CSMD1: variants seen among roughly 807,000 people sequenced by gnomAD.
CSMD1 encodes the protein CUB and sushi domain-containing protein 1.
CSMD1 carries 213 observed loss-of-function variants against 417.5 expected under a neutral mutation model. That is an observed-to-expected ratio of 0.51 (90% CI 0.46 to 0.57). The LOEUF is 0.57. Ranked by LOEUF, CSMD1 falls within the 20% of genes least tolerant of loss-of-function variation. The pLI, the probability that CSMD1 is intolerant of heterozygous loss-of-function variation, is 0.00. For missense variants in CSMD1, 6,923 were observed against 4,529.7 expected (o/e 1.53, Z -15.17); for synonymous variants, 2,862 against 1,736.8 (o/e 1.65, Z -16.11).
intron 3 of CSMD1, among the ~76,000 whole-genome samples, chr8:4,136,961 G>T: frequency 6.6e-6 from 1 of 152,266 alleles, no homozygotes; most frequent in Middle Eastern, 3.4e-3. Context: ...CCAATATTCA[G>T]CCTATATCAA....
chr8:3,659,435 T>C (rs1798298836), intron 7 of CSMD1, among the ~76,000 whole-genome samples: 1 of 152,222 alleles, frequency 6.6e-6, no homozygotes, highest in East Asian at 1.9e-4. Flanking sequence ...TATAATTATC[T>C]GAGACACTAC....
At chr8:3,528,418 G>C (rs747307328) in intron 10 of CSMD1, among the ~76,000 whole-genome samples, 2 of 152,118 alleles carry the variant, frequency 1.3e-5, no homozygotes, top group African/African-American at 4.8e-5. Context: ...AAGGAGGATG[G>C]CTCTGTATGC....
intron 3 of CSMD1, among the ~76,000 whole-genome samples, chr8:4,360,657 A>T (rs907592623): frequency 2.0e-5 from 3 of 149,830 alleles, no homozygotes; most frequent in Non-Finnish European, 4.5e-5. Context: ...CACCTGGCTA[A>T]TTTTTTTTTT....
chr8:4,963,898 C>T (rs187506408), intron 1 of CSMD1, among the ~76,000 whole-genome samples: 406 of 152,188 alleles, frequency 2.7e-3, no homozygotes, highest in Non-Finnish European at 4.2e-3. Flanking sequence ...CAATTCCTAT[C>T]AAATATTTTA....
chr8:4,966,967 A>C (rs753126409), intron 1 of CSMD1, among the ~76,000 whole-genome samples: 9 of 152,202 alleles, frequency 5.9e-5, no homozygotes, highest in Non-Finnish European at 1.3e-4. Flanking sequence ...GCTTTTTACA[A>C]ATTGCCATTT....
chr8:4,441,106 T>TTTTTTTTTTTTTTTTTTTTTTTTTTTA (rs1563176312), intron 2 of CSMD1, among the ~76,000 whole-genome samples: 1 of 123,576 alleles, frequency 8.1e-6, no homozygotes, highest in East Asian at 2.6e-4. Context: ...TTTTTTTTTT[T>TTTTTTTTTTTTTTTTTTTTTTTTTTTA]TTTTTTTTTT....
intron 3 of CSMD1, among the ~76,000 whole-genome samples, chr8:4,076,500 A>C (rs1389495031): frequency 6.6e-6 from 1 of 152,224 alleles, no homozygotes; most frequent in African/African-American, 2.4e-5. Context: ...ATTACTAGAA[A>C]TGTAAGTATA....
At chr8:4,442,600 G>C (rs971999358) in intron 2 of CSMD1, among the ~76,000 whole-genome samples, 10 of 152,094 alleles carry the variant, frequency 6.6e-5, no homozygotes, top group African/African-American at 2.4e-4. Flanking sequence ...CCCCAAATTG[G>C]CTAGAAAAAC....
intron 3 of CSMD1, among the ~76,000 whole-genome samples, chr8:4,178,525 C>CA (rs1798182186): frequency 2.0e-5 from 3 of 151,006 alleles, no homozygotes; most frequent in Non-Finnish European, 3.0e-5. Context: ...TGGCACAAGA[C>CA]AGGGATGCCC....
At chr8:3,210,394 T>G (rs1299994664) in intron 30 of CSMD1, among the ~76,000 whole-genome samples, 2 of 36,566 alleles carry the variant, frequency 5.5e-5, no homozygotes, top group Non-Finnish European at 1.2e-4. Context: ...CAGTCTCTAA[T>G]TAAAAATTTG....
intron 10 of CSMD1, among the ~76,000 whole-genome samples, chr8:3,543,473 C>T (rs1327243487): frequency 6.6e-6 from 1 of 152,008 alleles, no homozygotes; most frequent in African/African-American, 2.4e-5. Context: ...TCTAGGCAAG[C>T]AGTGATGATT....
intron 1 of CSMD1, among the ~76,000 whole-genome samples, chr8:4,968,256 G>C (rs932036671): frequency 1.8e-5 from 2 of 108,686 alleles, no homozygotes; most frequent in Non-Finnish European, 4.2e-5. Context: ...ATATTATGGA[G>C]AGCTAACTAC....
chr8:4,371,081 CTT>C (rs1459536634), intron 3 of CSMD1, among the ~76,000 whole-genome samples: 1 of 152,130 alleles, frequency 6.6e-6, no homozygotes, highest in Non-Finnish European at 1.5e-5. Context: ...AGTTACTGTT[CTT>C]TAGATGGGGC....
At chr8:3,312,793 G>C (rs1242240271) in intron 23 of CSMD1, among the ~76,000 whole-genome samples, 1 of 125,396 alleles carries the variant, frequency 8.0e-6, no homozygotes, top group African/African-American at 3.2e-5. Flanking sequence ...GCATCTCTCA[G>C]GTTCTCAAAG....
intron 2 of CSMD1, among the ~76,000 whole-genome samples, chr8:4,570,756 G>A (rs1318000231): frequency 2.0e-5 from 3 of 152,258 alleles, no homozygotes; most frequent in East Asian, 1.9e-4. Context: ...GAATTCGGCT[G>A]TGAATCTGTC....
chr8:4,660,493 C>T (rs577558120), intron 1 of CSMD1, among the ~76,000 whole-genome samples: 3 of 152,078 alleles, frequency 2.0e-5, no homozygotes, highest in East Asian at 3.9e-4. Context: ...CAAATCCTAA[C>T]CCAACTTTTG....
chr8:3,849,513 G>A (rs960419128), intron 5 of CSMD1, among the ~76,000 whole-genome samples: 5 of 152,156 alleles, frequency 3.3e-5, no homozygotes, highest in Non-Finnish European at 7.3e-5. Flanking sequence ...TAAATGAGTA[G>A]CTCGACGGTT....
intron 52 of CSMD1, among the ~76,000 whole-genome samples, chr8:3,011,874 C>T (rs1009352262): frequency 5.9e-5 from 9 of 152,090 alleles, no homozygotes; most frequent in Non-Finnish European, 1.3e-4. Context: ...AGCAAACTAC[C>T]GCAGAGAAGA....
chr8:3,190,156 C>G (rs778851468), intron 33 of CSMD1, 41 bp from the exon 34 acceptor site: 19 of 1,510,882 alleles, frequency 1.3e-5, no homozygotes, highest in Middle Eastern at 1.7e-4. Flanking sequence ...GTATCTCCAT[C>G]AGCAAGCCAG....
Sources: allele counts gnomAD v4.1 joint callset (sites outside exome capture counted in the v4.1 genomes callset), GRCh38; gene constraint gnomAD v4.1.1; transcripts MANE v1.5; gene names NCBI Gene and HGNC (gene_info 2026-07-23, HGNC 2026-07-21).